ATXN7L1: variants seen among roughly 807,000 people sequenced by gnomAD.
ATXN7L1 encodes the protein ataxin-7-like protein 1.
In ATXN7L1, 15 loss-of-function variants were observed where a neutral mutation model predicts 70.8. The ratio of observed to expected loss-of-function variants is 0.21; its 90% CI spans 0.14 to 0.33. The LOEUF (loss-of-function observed/expected upper bound fraction) is 0.33. Among genes scored for constraint, ATXN7L1 ranks in the 10% least tolerant of loss-of-function variants. The pLI is 1.00. For missense variants in ATXN7L1, 975 were observed against 1,097.1 expected (o/e 0.89, Z 1.57); for synonymous variants, 440 against 445.1 (o/e 0.99, Z 0.14).
At position 105,716,942 on chromosome 7, in the gene ATXN7L1, T is replaced by C. The variant is rs371685156; in HGVS notation, c.356-51654A>G. Among the ~76,000 whole-genome samples, 52 of 151,898 alleles carry C rather than the reference T, an allele frequency of 3.4e-4. No individual in the cohort carries two copies. In the East Asian group the frequency reaches 8.1e-3, roughly 24 times the overall value. On this transcript the variant is annotated intron_variant, in intron 3 of 11. Transcript: ENST00000419735. ...TCTAATTATTAAAATGATAAGTGTA[T>C]GATAAAGATTTTAGAAAATTCAGAT...
At chr7:105,796,585 G>A (rs1806026171) in intron 2 of ATXN7L1, among the ~76,000 whole-genome samples, 1 of 152,114 alleles carries the variant, frequency 6.6e-6, no homozygotes, top group Admixed American at 6.5e-5. Flanking sequence ...CCAAATTCCT[G>A]AGAAGAACAG....
intron 9 of ATXN7L1, among the ~76,000 whole-genome samples, chr7:105,619,552 T>A (rs1439640856): frequency 4.1e-4 from 21 of 51,292 alleles, no homozygotes; most frequent in South Asian, 2.7e-3. Flanking sequence ...TTTTTTTTTT[T>A]TTTTTTTTTT....
intron 2 of ATXN7L1, among the ~76,000 whole-genome samples, chr7:105,791,016 C>T (rs1805147866): frequency 6.6e-6 from 1 of 152,230 alleles, no homozygotes; most frequent in African/African-American, 2.4e-5. Context: ...CAACAGACAC[C>T]TAAGGGAGGC....
At chr7:105,872,824 T>G in intron 2 of ATXN7L1, among the ~76,000 whole-genome samples, 1 of 151,782 alleles carries the variant, frequency 6.6e-6, no homozygotes, top group East Asian at 1.9e-4. Context: ...AATTTTATGC[T>G]ATGTATATTT....
intron 3 of ATXN7L1, among the ~76,000 whole-genome samples, chr7:105,753,902 T>G (rs533422128): frequency 1.3e-5 from 2 of 152,312 alleles, no homozygotes; most frequent in South Asian, 4.1e-4. Flanking sequence ...CATTAGTGCC[T>G]GGGACAGTGC....
rs1356564458 is a variant in ATXN7L1 at position 105,613,989 on chromosome 7, T to C, written c.2345A>G (p.Asn782Ser). Residue 782 changes from asparagine to serine, a missense_variant, in exon 10 of 12, where the codon AAC becomes AGC. Physicochemically the swap from Asn to Ser is conservative, Grantham distance 46 (BLOSUM62 1). Coordinates refer to ENST00000419735, the MANE Select transcript of ATXN7L1 (RefSeq NM_020725.2). ...FDKSEGKKRK[N>S]SSSSSKACKI... Reference sequence around the variant, plus strand: ...ACAGGCTTTGCTACTAGAACTCGAGTTCTTACGCTTTTTTCCTTCTGATTT... The same window carrying C: ...ACAGGCTTTGCTACTAGAACTCGAGCTCTTACGCTTTTTTCCTTCTGATTT... The C allele has an allele frequency of 6.4e-7, 1 of 1,552,226 alleles. No individual in the cohort carries two copies. The highest frequency in any genetic ancestry group is 1.4e-5 in the African/African-American group (1 of 73,176).
intron 3 of ATXN7L1, among the ~76,000 whole-genome samples, chr7:105,745,438 G>A (rs935669599): frequency 3.9e-5 from 6 of 152,224 alleles, no homozygotes; most frequent in African/African-American, 1.2e-4. Flanking sequence ...CGGGAATTCC[G>A]TTTGTACGCC....
At chr7:105,704,081 A>G (rs952820647) in intron 3 of ATXN7L1, among the ~76,000 whole-genome samples, 2 of 152,204 alleles carry the variant, frequency 1.3e-5, no homozygotes, top group Non-Finnish European at 2.9e-5. Flanking sequence ...GTGTCCTACC[A>G]GAGAGAACCC....
intron 4 of ATXN7L1, among the ~76,000 whole-genome samples, chr7:105,664,575 G>GTGTATATATATATATATATA: frequency 7.6e-6 from 1 of 131,982 alleles, no homozygotes; most frequent in Non-Finnish European, 1.6e-5. Context: ...GTATGTGTGT[G>GTGTATATATATATATATATA]TATATATATA....
intron 3 of ATXN7L1, among the ~76,000 whole-genome samples, chr7:105,718,123 A>C (rs889745995): frequency 3.9e-5 from 6 of 152,180 alleles, no homozygotes; most frequent in African/African-American, 1.4e-4. Context: ...CCCCTTTTAA[A>C]ACAACAGCAA....
intron 3 of ATXN7L1, among the ~76,000 whole-genome samples, chr7:105,686,226 C>A (rs945295442): frequency 2.0e-5 from 3 of 152,058 alleles, no homozygotes; most frequent in Non-Finnish European, 4.4e-5. Context: ...GTCAAAAATG[C>A]ATTTAAGGGC....
intron 3 of ATXN7L1, among the ~76,000 whole-genome samples, chr7:105,775,225 A>G (rs2116449555): frequency 6.6e-6 from 1 of 152,334 alleles, no homozygotes; most frequent in South Asian, 2.1e-4. Flanking sequence ...TACCCAAACA[A>G]TCAACGGTAT....
intron 8 of ATXN7L1, among the ~76,000 whole-genome samples, chr7:105,623,344 A>G (rs950529844): frequency 6.6e-6 from 1 of 152,160 alleles, no homozygotes; most frequent in African/African-American, 2.4e-5. Flanking sequence ...TGGCTCTGCA[A>G]TGGCAGCACC....
intron 3 of ATXN7L1, among the ~76,000 whole-genome samples, chr7:105,715,885 A>T (rs1259477141): frequency 2.6e-5 from 4 of 152,202 alleles, no homozygotes; most frequent in Non-Finnish European, 5.9e-5. Flanking sequence ...GGGCATATGG[A>T]TACCTTGGAG....
chr7:105,808,987 T>A (rs954333074), intron 2 of ATXN7L1, among the ~76,000 whole-genome samples: 1 of 152,256 alleles, frequency 6.6e-6, no homozygotes, highest in Non-Finnish European at 1.5e-5. Flanking sequence ...AGCCAACATG[T>A]GAGGCGTTTC....
chr7:105,621,121 C>T (rs182103722), intron 8 of ATXN7L1, among the ~76,000 whole-genome samples: 25 of 152,188 alleles, frequency 1.6e-4, no homozygotes, highest in African/African-American at 4.1e-4. Context: ...TTCCCAGTCT[C>T]GACCACATTT....
At chr7:105,788,732 G>C (rs757022860) in intron 2 of ATXN7L1, 24 bp from the exon 3 acceptor site, 2 of 1,565,788 alleles carry the variant, frequency 1.3e-6, no homozygotes, top group South Asian at 1.1e-5. Flanking sequence ...GAAAACAAGT[G>C]TGTTTTGAAA....
chr7:105,752,342 C>A (rs998596112), intron 3 of ATXN7L1, among the ~76,000 whole-genome samples: 1 of 152,192 alleles, frequency 6.6e-6, no homozygotes, highest in Admixed American at 6.5e-5. Context: ...CAGTTGCAGG[C>A]CCGGCTGGCA....
At chr7:105,762,739 G>T (rs1800715714) in intron 3 of ATXN7L1, among the ~76,000 whole-genome samples, 1 of 152,216 alleles carries the variant, frequency 6.6e-6, no homozygotes. Flanking sequence ...CCTTCCTGCA[G>T]TGTGTGGGCT....
Sources: gnomAD v4.1 joint callset for allele counts (sites outside exome capture counted in the v4.1 genomes callset) on GRCh38, gnomAD v4.1.1 for gene constraint, MANE v1.5 for transcripts, NCBI Gene and HGNC (gene_info 2026-07-23, HGNC 2026-07-21) for gene names.